Variants in RAD54L2 observed in about 807,000 individuals in gnomAD.
RAD54L2 encodes helicase ARIP4.
RAD54L2 carries 27 observed loss-of-function variants against 138.4 expected under a neutral mutation model. That is an observed-to-expected ratio of 0.20 (90% CI 0.14 to 0.27). The LOEUF is 0.27. Among genes scored for constraint, RAD54L2 ranks in the 10% least tolerant of loss-of-function variants. The pLI is 1.00. For missense variants in RAD54L2, 1,396 were observed against 1,890.2 expected, an observed-to-expected ratio of 0.74 and a Z score of 4.85; for synonymous variants, 644 against 723.2, an observed-to-expected ratio of 0.89 and a Z score of 1.76.
At chr3:51,628,743 C>A (rs528506234) in intron 4 of RAD54L2, among the ~76,000 whole-genome samples, 1 of 150,336 alleles carries the variant, frequency 6.7e-6, no homozygotes, top group African/African-American at 2.4e-5. Context: ...TGAGATGAAG[C>A]CTCACTCTGT....
intron 2 of RAD54L2, among the ~76,000 whole-genome samples, chr3:51,550,946 C>T (rs777236236): frequency 2.8e-4 from 43 of 152,192 alleles, no homozygotes; most frequent in Non-Finnish European, 5.1e-4. Flanking sequence ...ACTTGGGAGG[C>T]TGAGGCACAA....
At chr3:51,624,129 A>G (rs549573721) in intron 3 of RAD54L2, among the ~76,000 whole-genome samples, 28 of 152,192 alleles carry the variant, frequency 1.8e-4, no homozygotes, top group East Asian at 5.8e-4. Flanking sequence ...AGTAGTAGTC[A>G]TAGTAAAAGC....
intron 3 of RAD54L2, among the ~76,000 whole-genome samples, chr3:51,619,201 G>A (rs1272714795): frequency 2.0e-5 from 3 of 152,150 alleles, no homozygotes. Context: ...GGGATTATAG[G>A]CACCCGCCAC....
chr3:51,614,281 C>T lies in RAD54L2; in HGVS notation c.140-13272C>T, dbSNP rs574369515. Among the ~76,000 whole-genome samples the T allele has an allele frequency of 1.5e-4, 23 of 152,092 alleles. 1 individual carries two copies. The highest frequency in any genetic ancestry group is 1.3e-3 in the Admixed American group (20 of 15,282). On this transcript the variant is annotated intron_variant, in intron 3 of 22. Transcript: ENST00000684192. ...GCCTCCAGTAATCCTCTCATGTTAG[C>T]CTTCCAAGTAGCTATGACTATAGGC...
intron 16 of RAD54L2, 142 bp from the exon 17 acceptor site, chr3:51,644,882 G>A (rs1701233819): frequency 3.8e-6 from 3 of 782,178 alleles, no homozygotes; most frequent in Admixed American, 4.7e-5. Flanking sequence ...CTGTTTATCA[G>A]CAGGACAGCA....
intron 7 of RAD54L2, among the ~76,000 whole-genome samples, chr3:51,632,815 C>T (rs867828964): frequency 4.0e-5 from 6 of 149,632 alleles, no homozygotes; most frequent in African/African-American, 1.2e-4. Context: ...TCACTTGAAC[C>T]GGGGAAATGG....
intron 2 of RAD54L2, among the ~76,000 whole-genome samples, chr3:51,575,291 A>G (rs1174503983): frequency 6.6e-6 from 1 of 152,194 alleles, no homozygotes; most frequent in Non-Finnish European, 1.5e-5. Flanking sequence ...TGATGCCTCC[A>G]GCTTTGTTCT....
chr3:51,630,303 C>T lies in RAD54L2; in HGVS notation c.513C>T (p.Pro171=). 2 of 1,614,010 alleles carry T rather than the reference C, an allele frequency of 1.2e-6. No individual in the cohort carries two copies. The highest frequency in any genetic ancestry group is 1.7e-6 in the Non-Finnish European group (2 of 1,179,884). The change falls in exon 6 of 23, where the codon CCC becomes CCT. Residue 171 remains proline, a synonymous_variant. Transcript: ENST00000684192. The part of the protein sequence containing the change: ...EEIALRASDG[P]QLPPRVLAQE... Reference sequence around the variant, plus strand: ...TTGCTTTAAGGGCAAGTGACGGTCCCCAACTGCCTCCTCGGGTCTTGGCCC... The same window carrying T: ...TTGCTTTAAGGGCAAGTGACGGTCCTCAACTGCCTCCTCGGGTCTTGGCCC...
chr3:51,661,119 G>A (rs1387123746), intron 22 of RAD54L2, among the ~76,000 whole-genome samples: 1 of 151,866 alleles, frequency 6.6e-6, no homozygotes, highest in East Asian at 1.9e-4. Context: ...GTGCCACCAC[G>A]CCCAGCTAAT....
At chr3:51,570,668 G>A (rs1288559968) in intron 2 of RAD54L2, among the ~76,000 whole-genome samples, 1 of 151,568 alleles carries the variant, frequency 6.6e-6, no homozygotes, top group Non-Finnish European at 1.5e-5. Flanking sequence ...TGTTGGCCAG[G>A]ATGGTCTTGA....
chr3:51,663,593 GCAAAA>G lies in RAD54L2; in HGVS notation c.*174_*178del. The G allele has an allele frequency of 1.1e-4, 10 of 91,994 alleles. No homozygotes were observed. Among genetic ancestry groups the G allele is most frequent in the South Asian group, 9.5e-4 (2 of 2,108 alleles). The allele number at this position is 91,994 out of a possible 1,614,324, so 5.7% of individuals were successfully genotyped here. A position where few individuals can be genotyped will look rare whatever the true frequency, so the allele number is the denominator to read the frequency against. The stretch of plus-strand genomic sequence containing the variant: ...GCTCTGTTGCTGTTTAACAAAAGAG[GCAAAA>G]AAAAAAAAAAAAAAAAAAAAGTCCA... On this transcript the variant is annotated 3_prime_UTR_variant, in exon 23 of 23. Transcript: ENST00000684192.
At chr3:51,625,235 G>A (rs755928251) in intron 3 of RAD54L2, among the ~76,000 whole-genome samples, 5 of 152,172 alleles carry the variant, frequency 3.3e-5, no homozygotes, top group Non-Finnish European at 5.9e-5. Flanking sequence ...CCTGACCAAC[G>A]TGGAGAAACC....
At chr3:51,613,786 G>A (rs534617140) in intron 3 of RAD54L2, among the ~76,000 whole-genome samples, 1 of 151,346 alleles carries the variant, frequency 6.6e-6, no homozygotes, top group South Asian at 2.1e-4. Context: ...AAAAAAAAAG[G>A]TACGTAGTTG....
rs78210958 is a variant in RAD54L2, at chr3:51,644,474, A to C, written c.2450+500A>C. 1.5e-3 allele frequency among the ~76,000 whole-genome samples: 224 copies of C among 152,278 alleles called. 1 individual carries two copies. The highest frequency in any genetic ancestry group is 6.8e-3 in the Middle Eastern group (2 of 294). On this transcript the variant is annotated intron_variant, in intron 16 of 22. Transcript: ENST00000684192. ...AAAAACAAACAAACAAATGAACAAC[A>C]ACAACAAAATACCCAAGAGTTTTAA...
chr3:51,589,718 A>G (rs920500354), intron 2 of RAD54L2, among the ~76,000 whole-genome samples: 2 of 152,000 alleles, frequency 1.3e-5, no homozygotes, highest in Non-Finnish European at 2.9e-5. Flanking sequence ...ATACACACAC[A>G]TATATGTATA....
intron 2 of RAD54L2, among the ~76,000 whole-genome samples, chr3:51,561,252 A>T (rs1025272855): frequency 2.6e-5 from 4 of 152,048 alleles, no homozygotes; most frequent in Non-Finnish European, 2.9e-5. Context: ...GAAATTCCCT[A>T]TCTTTTTTTA....
intron 3 of RAD54L2, among the ~76,000 whole-genome samples, chr3:51,621,803 C>T (rs1179609509): frequency 1.3e-5 from 2 of 152,210 alleles, no homozygotes; most frequent in East Asian, 3.8e-4. Context: ...CAGCAAAACA[C>T]TAAGTTGAAG....
chr3:51,569,272 TC>T (rs1279955434), intron 2 of RAD54L2, among the ~76,000 whole-genome samples: 1 of 152,202 alleles, frequency 6.6e-6, no homozygotes, highest in Non-Finnish European at 1.5e-5. Flanking sequence ...ATAACCACAT[TC>T]CTCTCAAGGC....
intron 2 of RAD54L2, among the ~76,000 whole-genome samples, chr3:51,566,235 T>G (rs1699213365): frequency 1.3e-5 from 2 of 152,120 alleles, no homozygotes; most frequent in East Asian, 3.8e-4. Context: ...CCTTTGCCTT[T>G]TTTTCGTCTT....
Sources: allele counts gnomAD v4.1 joint callset (sites outside exome capture counted in the v4.1 genomes callset), GRCh38; gene constraint gnomAD v4.1.1; transcripts MANE v1.5; gene names NCBI Gene and HGNC (gene_info 2026-07-23, HGNC 2026-07-21).